The following HSPA14 variants were observed in gnomAD, a reference collection of about 807,000 sequenced individuals.
The protein encoded by HSPA14 is heat shock protein family A (Hsp70) member 14.
Under a neutral mutation model 65.5 loss-of-function variants are expected in HSPA14, and 37 were observed. The ratio of observed to expected loss-of-function variants is 0.56; its 90% confidence interval spans 0.43 to 0.74. HSPA14 has a LOEUF of 0.74. HSPA14 is among the 30% of genes least tolerant of loss of function. HSPA14 has a pLI of 0.00. For missense variants in HSPA14, 564 were observed against 607.6 expected (o/e 0.93, Z 0.75); for synonymous variants, 203 against 214.2 (o/e 0.95, Z 0.46).
At chr10:14,840,365 T>C (rs1833958173) in intron 3 of HSPA14, among the ~76,000 whole-genome samples, 1 of 152,192 alleles carries the variant, frequency 6.6e-6, no homozygotes, top group Non-Finnish European at 1.5e-5. Context: ...CAGATGTTAG[T>C]TTCTTGCTGA....
rs1487048622 is a variant in HSPA14 at position 14,845,602 on chromosome 10, T to A, written c.222-3007T>A. On this transcript the variant is annotated intron_variant, in intron 3 of 13. Coordinates refer to ENST00000378372, the MANE Select transcript of HSPA14 (RefSeq NM_016299.4). Reference sequence around the variant, plus strand: ...TTGCCCTTTTCTATTATTATTATTTTTTTTTTTTTGAGAAAAAGTCTCACT... The same window carrying A: ...TTGCCCTTTTCTATTATTATTATTTATTTTTTTTTGAGAAAAAGTCTCACT... The A allele has an allele frequency of 6.6e-6, 6 of 913,394 alleles. No individual in the cohort carries two copies. In the African/African-American group the frequency reaches 7.2e-5, roughly 11 times the overall value. The allele number at this position is 913,394 out of a possible 1,614,324, so 56.6% of individuals were successfully genotyped here.
chr10:14,850,033 CG>C (rs1161216521), intron 6 of HSPA14, among the ~76,000 whole-genome samples: 1 of 151,782 alleles, frequency 6.6e-6, no homozygotes, highest in Non-Finnish European at 1.5e-5. Flanking sequence ...GGGACACTGA[CG>C]GGGGGGCGGC....
In HSPA14 at chr10:14,871,513, T is replaced by G. The variant is rs745737667; in HGVS notation, c.1452-15T>G. The G allele has an allele frequency of 2.7e-6, 4 of 1,505,212 alleles. No individual in the cohort carries two copies. In the South Asian group the frequency reaches 4.8e-5, roughly 18 times the overall value. The allele number at this position is 1,505,212 out of a possible 1,614,324, so 93.2% of individuals were successfully genotyped here. ...ATGAGCTTGTGCAATGTTCTTTATT[T>G]TTTTGTCTGTTTAGGGATGGATCTT... On this transcript the variant is annotated splice_polypyrimidine_tract_variant and intron_variant, in intron 13 of 13. Coordinates refer to ENST00000378372, the MANE Select transcript of HSPA14 (RefSeq NM_016299.4).
chr10:14,860,966 AG>A (rs772118279), intron 10 of HSPA14, among the ~76,000 whole-genome samples: 1 of 152,180 alleles, frequency 6.6e-6, no homozygotes, highest in Non-Finnish European at 1.5e-5. Context: ...GAAGAGAACC[AG>A]GAAGGCAGGC....
At chr10:14,852,792 G>A (rs924332011) in intron 8 of HSPA14, among the ~76,000 whole-genome samples, 9 of 152,240 alleles carry the variant, frequency 5.9e-5, no homozygotes, top group South Asian at 4.1e-4. Context: ...CTGCATGAAC[G>A]TAGATTTTAA....
At chr10:14,861,213 G>GTTT (rs1832747553) in intron 10 of HSPA14, among the ~76,000 whole-genome samples, 2 of 152,136 alleles carry the variant, frequency 1.3e-5, no homozygotes, top group Non-Finnish European at 2.9e-5. Context: ...TGTTACAAGG[G>GTTT]CAATAGGAAA....
chr10:14,856,937 T>G (rs1832705302), intron 10 of HSPA14, among the ~76,000 whole-genome samples: 1 of 152,200 alleles, frequency 6.6e-6, no homozygotes, highest in Non-Finnish European at 1.5e-5. Context: ...GTAAGAAAAT[T>G]CAAAATACCA....
rs1043012682 is a variant in HSPA14, at chr10:14,846,590, G to C, written c.222-2019G>C. 3.1e-6 allele frequency: 3 copies of C among 979,554 alleles called. No individual in the cohort carries two copies. In the African/African-American group the frequency reaches 5.3e-5, roughly 17 times the overall value. 60.7% of individuals were successfully genotyped at this position (979,554 alleles called of 1,614,324 possible). A position where few individuals can be genotyped will look rare whatever the true frequency, so the allele number is the denominator to read the frequency against. On this transcript the variant is annotated intron_variant, in intron 3 of 13. Coordinates refer to ENST00000378372, the MANE Select transcript of HSPA14 (RefSeq NM_016299.4). ...AACCATTACTACTTGAACCCCCTTA[G>C]AAAAGCTTTTCCAGCATTCCATAAC...
Position 14,867,328 on chromosome 10 carries a change from T to A in HSPA14, c.1206+33T>A, listed in dbSNP as rs962283655. 2.1e-6 allele frequency: 3 copies of A among 1,434,032 alleles called. No individual in the cohort carries two copies. In the African/African-American group the frequency reaches 4.2e-5, roughly 20 times the overall value. 88.8% of individuals were successfully genotyped at this position (1,434,032 alleles called of 1,614,324 possible). A position where few individuals can be genotyped will look rare whatever the true frequency, so the allele number is the denominator to read the frequency against. On this transcript the variant is annotated intron_variant, in intron 11 of 13. Coordinates refer to ENST00000378372, the MANE Select transcript of HSPA14 (RefSeq NM_016299.4). ...TAGCTTTTGTATACTAGTTAAGGTA[T>A]GTTTAGCTTTTCTATACTTTACATA...
In HSPA14 at chr10:14,842,888, G is replaced by A; in HGVS notation, c.221+2731G>A. 1 of 1,353,186 alleles carries A rather than the reference G, an allele frequency of 7.4e-7. No homozygotes were observed. Among genetic ancestry groups the A allele is most frequent in the Non-Finnish European group, 1.0e-6 (1 of 1,003,812 alleles). 83.8% of individuals were successfully genotyped at this position (1,353,186 alleles called of 1,614,324 possible). A position where few individuals can be genotyped will look rare whatever the true frequency, so the allele number is the denominator to read the frequency against. On this transcript the variant is annotated intron_variant, in intron 3 of 13. Transcript: ENST00000378372. The surrounding 1 kb of genome is among the most constrained non-coding windows in gnomAD (Gnocchi z 5.2). ...TGAAGGAGTTGGGTCCCAGAGTCTT[G>A]TGGCTCTAAACATTTAGCTGTGTCT...
rs1834010887 is a variant in HSPA14, at chr10:14,843,979, G to A, written c.221+3822G>A. ...CTTCTGAATCCCTGGCTCCTTTTCT[G>A]TGTCCTCAGAAAAAAACATGGATGA... On this transcript the variant is annotated intron_variant, in intron 3 of 13. Transcript: ENST00000378372. 8 of 1,488,916 alleles carry A rather than the reference G, an allele frequency of 5.4e-6. No homozygotes were observed. The East Asian group carries it at 2.0e-4, about 37-fold the overall frequency. 92.2% of individuals were successfully genotyped at this position (1,488,916 alleles called of 1,614,324 possible). A position where few individuals can be genotyped will look rare whatever the true frequency, so the allele number is the denominator to read the frequency against.
chr10:14,852,392 G>C lies in HSPA14; in HGVS notation c.595G>C (p.Gly199Arg). The change falls in exon 8 of 14, where the codon GGA (glycine) becomes CGA (arginine). Residue 199 changes from glycine to arginine, a missense_variant. By Grantham distance (125) the Gly-to-Arg change is moderately radical. Coordinates refer to ENST00000378372, the MANE Select transcript of HSPA14 (RefSeq NM_016299.4). ...AAGCAATATTTTGGTGTTTAAGCTTGGAGGAACATCCTTATCTCTCAGCGT... is the reference window on the plus strand; with the variant it reads ...AAGCAATATTTTGGTGTTTAAGCTTCGAGGAACATCCTTATCTCTCAGCGT... ...GKSNILVFKL[G>R]GTSLSLSVME... 1.7e-5 allele frequency: 27 copies of C among 1,613,236 alleles called. No homozygotes were observed. The highest frequency in any genetic ancestry group is 2.3e-5 in the Non-Finnish European group (27 of 1,179,586).
intron 9 of HSPA14, among the ~76,000 whole-genome samples, chr10:14,854,859 A>C (rs898221341): frequency 2.6e-5 from 4 of 152,210 alleles, no homozygotes; most frequent in Non-Finnish European, 5.9e-5. Flanking sequence ...GGATAACATT[A>C]AAAATGCAGT....
At chr10:14,843,942 T>TC in intron 3 of HSPA14, 1 of 1,525,898 alleles carries the variant, frequency 6.6e-7, no homozygotes, top group Non-Finnish European at 8.7e-7. Context: ...GAAGTCTAGT[T>TC]CCCAAACCTG....
chr10:14,846,541 G>A (rs935469613), intron 3 of HSPA14: 2 of 985,244 alleles, frequency 2.0e-6, no homozygotes, highest in African/African-American at 3.5e-5. Context: ...AAGCAAGCCA[G>A]GAATCTGCCT....
At chr10:14,861,239 G>T (rs1832747782) in intron 10 of HSPA14, among the ~76,000 whole-genome samples, 1 of 152,168 alleles carries the variant, frequency 6.6e-6, no homozygotes, top group South Asian at 2.1e-4. Context: ...GTGGTTGAGG[G>T]TGCTGGGAGA....
chr10:14,845,427 G>A (rs1834036939), intron 3 of HSPA14: 11 of 985,140 alleles, frequency 1.1e-5, no homozygotes, highest in South Asian at 4.7e-5. Flanking sequence ...CAGTGGGAGC[G>A]TACCCAGAAC....
At chr10:14,847,068 T>A (rs1834064858) in intron 3 of HSPA14, 1 of 982,716 alleles carries the variant, frequency 1.0e-6, no homozygotes. Flanking sequence ...TCTGCTTTGC[T>A]TTCTCCTCTG....
intron 10 of HSPA14, 61 bp from the exon 11 acceptor site, chr10:14,867,022 T>A (rs1047730925): frequency 1.6e-6 from 2 of 1,254,200 alleles, no homozygotes; most frequent in Middle Eastern, 2.0e-4. Flanking sequence ...CTATTACACT[T>A]AATTTTGAGA....
Sources: gnomAD v4.1 joint callset for allele counts (sites outside exome capture counted in the v4.1 genomes callset) on GRCh38, gnomAD v4.1.1 for gene constraint, Gnocchi (gnomAD v3.1) non-coding constraint, MANE v1.5 for transcripts, NCBI Gene and HGNC (gene_info 2026-07-23, HGNC 2026-07-21) for gene names.